The following GOLGA4 variants were observed in gnomAD, a reference collection of about 807,000 sequenced individuals.
GOLGA4 encodes the protein golgin subfamily A member 4.
Under a neutral mutation model 265.9 loss-of-function variants are expected in GOLGA4, and 169 were observed. The ratio of observed to expected loss-of-function variants is 0.64; its 90% confidence interval spans 0.56 to 0.72. The LOEUF (loss-of-function observed/expected upper bound fraction) is 0.72, where lower values mean the gene tolerates loss of function less well. Ranked by LOEUF, GOLGA4 falls within the 30% of genes least tolerant of loss-of-function variation. The pLI is 0.00. For missense variants in GOLGA4, 2,482 were observed against 2,483.4 expected, an observed-to-expected ratio of 1.00 and a Z score of 0.01; for synonymous variants, 923 against 855.8, an observed-to-expected ratio of 1.08 and a Z score of -1.37.
chr3:37,246,518 A>G (rs573695579), intron 1 of GOLGA4, among the ~76,000 whole-genome samples: 3 of 152,326 alleles, frequency 2.0e-5, no homozygotes, highest in African/African-American at 7.2e-5. Context: ...GTATAGATAC[A>G]AAAGGATGAA....
At chr3:37,284,119 T>C (rs991049413) in intron 3 of GOLGA4, among the ~76,000 whole-genome samples, 3 of 152,176 alleles carry the variant, frequency 2.0e-5, no homozygotes, top group Admixed American at 1.3e-4. Flanking sequence ...GATGAAATAA[T>C]GTTGTAAATG....
At chr3:37,270,365 C>T (rs1165309219) in intron 2 of GOLGA4, among the ~76,000 whole-genome samples, 2 of 150,520 alleles carry the variant, frequency 1.3e-5, no homozygotes, top group Admixed American at 6.7e-5. Context: ...GCCACCACGA[C>T]GTTTTTATAG....
At chr3:37,332,358 A>G (rs1303245535) in intron 16 of GOLGA4, among the ~76,000 whole-genome samples, 1 of 152,088 alleles carries the variant, frequency 6.6e-6, no homozygotes, top group Non-Finnish European at 1.5e-5. Context: ...GGTGTGGTGC[A>G]TGGCCACGCC....
intron 10 of GOLGA4, among the ~76,000 whole-genome samples, chr3:37,307,049 A>G (rs1050949630): frequency 1.3e-5 from 2 of 152,180 alleles, no homozygotes; most frequent in Non-Finnish European, 2.9e-5. Flanking sequence ...TTTTCCTACA[A>G]TTATGCAACA....
intron 11 of GOLGA4, 65 bp from the exon 12 acceptor site, chr3:37,318,998 T>C: frequency 1.8e-6 from 2 of 1,082,232 alleles, no homozygotes; most frequent in Non-Finnish European, 2.7e-6. Flanking sequence ...AATAGTATTA[T>C]TTAGTTGTGG....
chr3:37,335,032 C>A lies in GOLGA4; in HGVS notation c.6193-21C>A. 3.7e-6 allele frequency: 5 copies of A among 1,353,416 alleles called. No individual in the cohort carries two copies. The South Asian group carries it at 5.6e-5, about 15-fold the overall frequency. 83.8% of individuals were successfully genotyped at this position (1,353,416 alleles called of 1,614,324 possible). ...TTCTTTTTTTTCTTTTCCTTTTTTT[C>A]TTTTTTTTTAAATCCTAAAGGCTCG... is the stretch of plus-strand genomic sequence containing the variant. On this transcript the variant is annotated intron_variant, in intron 16 of 23. Transcript: ENST00000361924.
chr3:37,287,247 A>G (rs2096852056), intron 4 of GOLGA4, among the ~76,000 whole-genome samples: 2 of 152,170 alleles, frequency 1.3e-5, no homozygotes. Flanking sequence ...AGGCTGAGGC[A>G]GGAGAATTGC....
chr3:37,357,150 G>A (rs1170664105), intron 22 of GOLGA4, among the ~76,000 whole-genome samples: 1 of 152,138 alleles, frequency 6.6e-6, no homozygotes, highest in Non-Finnish European at 1.5e-5. Context: ...GAATACAGTG[G>A]TATTCATTCT....
At chr3:37,355,325 GA>G (rs2151070449) in intron 22 of GOLGA4, 138 bp downstream of exon 22, 1 of 582,072 alleles carries the variant, frequency 1.7e-6, no homozygotes, top group East Asian at 3.0e-5. Context: ...TGAAAAATGA[GA>G]GTGAATTTAC....
At chr3:37,339,986 C>G (rs2097027674) in intron 19 of GOLGA4, 138 bp from the exon 20 acceptor site, 1 of 439,886 alleles carries the variant, frequency 2.3e-6, no homozygotes, top group African/African-American at 2.1e-5. Flanking sequence ...AATTCTTGCT[C>G]TAAACCATTT....
Position 37,320,113 on chromosome 3 carries a change from A to ACTTGGGAGGCTGAGGCAGGAG in GOLGA4, c.1545+919_1545+920insCTTGGGAGGCTGAGGCAGGAG, listed in dbSNP as rs1553616978. On this transcript the variant is annotated intron_variant, in intron 12 of 23. Transcript: ENST00000361924. ...CCATACGATGGCTTAAAAAAGAGTT[A>ACTTGGGAGGCTGAGGCAGGAG]AATTAAAAAACTTCCTGAGCTAACA... The ACTTGGGAGGCTGAGGCAGGAG allele has an allele frequency of 1.8e-4, 20 of 112,944 alleles. 4 individuals carry two copies. Among genetic ancestry groups the ACTTGGGAGGCTGAGGCAGGAG allele is most frequent in the East Asian group, 1.4e-3 (4 of 2,908 alleles). 7.0% of individuals were successfully genotyped at this position (112,944 alleles called of 1,614,324 possible). A position where few individuals can be genotyped will look rare whatever the true frequency, so the allele number is the denominator to read the frequency against.
intron 5 of GOLGA4, among the ~76,000 whole-genome samples, chr3:37,290,294 T>C (rs2096861489): frequency 6.6e-6 from 1 of 152,210 alleles, no homozygotes; most frequent in African/African-American, 2.4e-5. Context: ...TTTGTTGTTA[T>C]TGTCAATGAC....
intron 10 of GOLGA4, among the ~76,000 whole-genome samples, chr3:37,309,512 G>A (rs952366631): frequency 6.6e-5 from 10 of 152,182 alleles, no homozygotes; most frequent in African/African-American, 2.4e-4. Context: ...CCAAGATTGT[G>A]CCATTGCACT....
intron 20 of GOLGA4, among the ~76,000 whole-genome samples, chr3:37,345,355 G>A (rs964806167): frequency 6.6e-6 from 1 of 152,152 alleles, no homozygotes; most frequent in African/African-American, 2.4e-5. Flanking sequence ...GAAACTCCAA[G>A]CAAGCTTATG....
chr3:37,257,424 A>G (rs945725254), intron 2 of GOLGA4, among the ~76,000 whole-genome samples: 4 of 152,104 alleles, frequency 2.6e-5, no homozygotes, highest in Middle Eastern at 3.2e-3. Flanking sequence ...TGAAAGATCT[A>G]TTAAAGTTAA....
At chr3:37,358,427 G>T (rs1478398125) in intron 22 of GOLGA4, among the ~76,000 whole-genome samples, 1 of 152,200 alleles carries the variant, frequency 6.6e-6, no homozygotes, top group East Asian at 1.9e-4. Flanking sequence ...TTATAGATGA[G>T]AAATCACTAT....
intron 10 of GOLGA4, among the ~76,000 whole-genome samples, chr3:37,305,578 T>C (rs2096903980): frequency 6.6e-6 from 1 of 152,200 alleles, no homozygotes; most frequent in Non-Finnish European, 1.5e-5. Context: ...TTTCTATAAA[T>C]AGTCTGGCTA....
At chr3:37,298,485 T>C (rs2096884366) in intron 7 of GOLGA4, among the ~76,000 whole-genome samples, 1 of 152,092 alleles carries the variant, frequency 6.6e-6, no homozygotes, top group African/African-American at 2.4e-5. Context: ...TTAGGAGCAG[T>C]TTAGTGGTGG....
intron 21 of GOLGA4, among the ~76,000 whole-genome samples, chr3:37,352,934 T>C (rs887762504): frequency 2.6e-5 from 4 of 152,106 alleles, no homozygotes; most frequent in African/African-American, 9.7e-5. Context: ...TAATTGTTTC[T>C]ATCTTTTGAT....
Sources: allele counts gnomAD v4.1 joint callset (sites outside exome capture counted in the v4.1 genomes callset), GRCh38; gene constraint gnomAD v4.1.1; transcripts MANE v1.5; gene names NCBI Gene and HGNC (gene_info 2026-07-23, HGNC 2026-07-21).